CDC42: variants seen among roughly 807,000 people sequenced by gnomAD.
CDC42 encodes the protein cell division control protein 42 homolog.
Under a neutral mutation model 20.8 loss-of-function variants are expected in CDC42, and 1 was observed. The observed-to-expected ratio is 0.05, with a 90% CI of 0.02 to 0.23. The LOEUF is 0.23. CDC42 is among the 10% of genes least tolerant of loss of function. The pLI, the probability that CDC42 is intolerant of heterozygous loss-of-function variation, is 1.00. For missense variants in CDC42, 49 were observed against 227.9 expected, an observed-to-expected ratio of 0.21 and a Z score of 5.05; for synonymous variants, 72 against 84.8, an observed-to-expected ratio of 0.85 and a Z score of 0.83.
chr1:22,055,335 C>T (rs987967516), intron 1 of CDC42, among the ~76,000 whole-genome samples: 2 of 151,894 alleles, frequency 1.3e-5, no homozygotes, highest in African/African-American at 4.8e-5. Flanking sequence ...TCAGTAATTT[C>T]TTCAAGACCA....
chr1:22,074,775 G>A (rs764815745), intron 1 of CDC42, among the ~76,000 whole-genome samples: 4 of 152,120 alleles, frequency 2.6e-5, no homozygotes, highest in Non-Finnish European at 5.9e-5. Flanking sequence ...GCTTTATTGT[G>A]ATTTTAGAGT....
chr1:22,086,996 T>C (rs1056718298), intron 5 of CDC42, 130 bp downstream of exon 5: 8 of 728,858 alleles, frequency 1.1e-5, no homozygotes, highest in African/African-American at 5.3e-5. Flanking sequence ...AACAGCTTCA[T>C]ATTGTATGTT....
At chr1:22,088,817 A>G (rs1345095252) in intron 5 of CDC42, among the ~76,000 whole-genome samples, 3 of 152,192 alleles carry the variant, frequency 2.0e-5, no homozygotes, top group Non-Finnish European at 4.4e-5. Context: ...GATGTGCAGA[A>G]AGAATTGCAG....
intron 1 of CDC42, among the ~76,000 whole-genome samples, chr1:22,072,287 C>T (rs146337606): frequency 0.012 from 1,763 of 151,606 alleles, 43 homozygotes; most frequent in African/African-American, 0.04. Context: ...TTAGTAGAGT[C>T]GGGGTTTCGC....
intron 1 of CDC42, among the ~76,000 whole-genome samples, chr1:22,066,286 A>G (rs1466891102): frequency 6.6e-6 from 1 of 151,930 alleles, no homozygotes; most frequent in African/African-American, 2.4e-5. Flanking sequence ...GAGGCAGGAG[A>G]ATCGCTTGAG....
rs1028801148 is a variant in CDC42 at position 22,090,155 on chromosome 1, T to C, written c.487-1273T>C. 5.7e-6 allele frequency: 8 copies of C among 1,402,236 alleles called. No individual in the cohort carries two copies. The African/African-American group carries it at 1.0e-4, about 18-fold the overall frequency. 86.9% of individuals were successfully genotyped at this position (1,402,236 alleles called of 1,614,324 possible). On this transcript the variant is annotated intron_variant, in intron 5 of 5. Transcript: ENST00000656825. ...CTCTGCGTCTTTTTACTCACCACCT[T>C]AGAGCAACCTCTGTATTAGTTTTTG...
intron 1 of CDC42, among the ~76,000 whole-genome samples, chr1:22,073,334 T>C (rs377197985): frequency 3.0e-4 from 46 of 151,798 alleles, no homozygotes; most frequent in African/African-American, 9.7e-4. Flanking sequence ...GTCAGGATTT[T>C]GAGACCAGCC....
At chr1:22,072,839 A>C (rs1302684471) in intron 1 of CDC42, among the ~76,000 whole-genome samples, 1 of 152,192 alleles carries the variant, frequency 6.6e-6, no homozygotes, top group Non-Finnish European at 1.5e-5. Flanking sequence ...AATATTGCCA[A>C]ATATTTGGTG....
chr1:22,091,372 C>A, intron 5 of CDC42, 56 bp from the exon 6 acceptor site: 1 of 1,149,158 alleles, frequency 8.7e-7, no homozygotes, highest in Non-Finnish European at 1.3e-6. Context: ...ATTTGAACTC[C>A]AACTTTATTA....
chr1:22,073,218 G>T (rs565006098), intron 1 of CDC42, among the ~76,000 whole-genome samples: 5 of 152,264 alleles, frequency 3.3e-5, no homozygotes, highest in African/African-American at 1.2e-4. Context: ...ATTCTTAAAG[G>T]ATATTTGAAT....
chr1:22,067,204 T>G (rs1019067651), intron 1 of CDC42, among the ~76,000 whole-genome samples: 1 of 152,184 alleles, frequency 6.6e-6, no homozygotes, highest in Non-Finnish European at 1.5e-5. Context: ...ATAGACTGGG[T>G]AGCTTGTAAA....
rs533499104 is a variant in CDC42 at position 22,099,101 on chromosome 1, G to A, written c.*7584G>A. On this transcript the variant is annotated 3_prime_UTR_variant, in exon 6 of 6. Coordinates refer to ENST00000656825, the MANE Select transcript of CDC42 (RefSeq NM_001791.4). The stretch of plus-strand genomic sequence containing the variant: ...GGAATGTGAACAAAGGAGGGCCCAG[G>A]CATGTTTGCAGAGTGGCTGGGGGCC... 6.6e-6 allele frequency among the ~76,000 whole-genome samples: 1 copy of A among 152,210 alleles called. No individual in the cohort carries two copies. Among genetic ancestry groups the A allele is most frequent in the East Asian group, 1.9e-4 (1 of 5,192 alleles).
intron 1 of CDC42, among the ~76,000 whole-genome samples, chr1:22,069,366 G>C (rs1425785306): frequency 6.6e-6 from 1 of 151,912 alleles, no homozygotes; most frequent in Admixed American, 6.6e-5. Context: ...GGTAGAGACT[G>C]GGTTTCACCA....
At position 22,094,213 on chromosome 1, in the gene CDC42, G is replaced by A. The variant is rs1013682235; in HGVS notation, c.*2696G>A. ...AAAATAGTCCTTACAGGCTTAGTTT[G>A]TGTCAGAATTTATAGTATTTAATAC... is the stretch of plus-strand genomic sequence containing the variant. On this transcript the variant is annotated 3_prime_UTR_variant, in exon 6 of 6. Coordinates refer to ENST00000656825, the MANE Select transcript of CDC42 (RefSeq NM_001791.4). Among the ~76,000 whole-genome samples, 1 of 146,870 alleles carries A rather than the reference G, an allele frequency of 6.8e-6. No homozygotes were observed. Among genetic ancestry groups the A allele is most frequent in the South Asian group, 2.1e-4 (1 of 4,676 alleles).
intron 3 of CDC42, 25 bp from the exon 4 acceptor site, chr1:22,086,414 T>C (rs1269873265): frequency 1.3e-6 from 2 of 1,496,366 alleles, no homozygotes; most frequent in East Asian, 4.6e-5. Context: ...TGCTGAATTC[T>C]CTCCAATATT....
chr1:22,054,947 TTTTTTTTTTTTTTTTTTTTTTTTTG>T (rs2152825287), intron 1 of CDC42, among the ~76,000 whole-genome samples: 1 of 48,946 alleles, frequency 2.0e-5, no homozygotes, highest in East Asian at 6.6e-4. Context: ...TTTTTTTTTT[TTTTTTTTTTTTTTTTTTTTTTTTTG>T]AGAAGGAGTC....
At chr1:22,069,211 C>T (rs1645456700) in intron 1 of CDC42, among the ~76,000 whole-genome samples, 1 of 137,542 alleles carries the variant, frequency 7.3e-6, no homozygotes, top group Non-Finnish European at 1.5e-5. Flanking sequence ...GAATCTCACT[C>T]TGTCCCCAGG....
intron 1 of CDC42, among the ~76,000 whole-genome samples, chr1:22,056,904 T>G (rs1239521988): frequency 1.3e-5 from 2 of 152,264 alleles, no homozygotes; most frequent in Non-Finnish European, 2.9e-5. Flanking sequence ...AAAGTCTGAT[T>G]TAGGCTCTGT....
chr1:22,092,507 C>T lies in CDC42; in HGVS notation c.*990C>T, dbSNP rs1349226506. 1 of 147,172 alleles carries T rather than the reference C, an allele frequency of 6.8e-6. No homozygotes were observed. Among genetic ancestry groups the T allele is most frequent in the African/African-American group, 2.5e-5 (1 of 39,708 alleles). 9.1% of individuals were successfully genotyped at this position (147,172 alleles called of 1,614,324 possible). On this transcript the variant is annotated 3_prime_UTR_variant, in exon 6 of 6. Coordinates refer to ENST00000656825, the MANE Select transcript of CDC42 (RefSeq NM_001791.4). ...GAAGACCTGTTATGTAGAGGAAATA[C>T]GAGGGGTGGTGCTAGAAGACAGACA...
Sources: allele counts gnomAD v4.1 joint callset (sites outside exome capture counted in the v4.1 genomes callset), GRCh38; gene constraint gnomAD v4.1.1; transcripts MANE v1.5; gene names NCBI Gene and HGNC (gene_info 2026-07-23, HGNC 2026-07-21).